Variants in WDR64 observed in about 807,000 individuals in gnomAD.
The protein encoded by WDR64 is WD repeat-containing protein 64.
WDR64 carries 112 observed loss-of-function variants against 139.3 expected under a neutral mutation model. The ratio of observed to expected loss-of-function variants is 0.80; its 90% CI spans 0.69 to 0.94. WDR64 has a LOEUF of 0.94. Among genes scored for constraint, WDR64 ranks in the 40% least tolerant of loss-of-function variants. The pLI is 0.00. For missense variants in WDR64, 1,206 were observed against 1,293.1 expected, an observed-to-expected ratio of 0.93 and a Z score of 1.03; for synonymous variants, 444 against 437.7, an observed-to-expected ratio of 1.01 and a Z score of -0.18.
chr1:241,653,543 C>CTTTTTTTTTTT (rs33934176), intron 1 of WDR64, among the ~76,000 whole-genome samples: 17 of 137,082 alleles, frequency 1.2e-4, no homozygotes, highest in Non-Finnish European at 1.1e-4. Flanking sequence ...CTTTTCTTTT[C>CTTTTTTTTTTT]TTTTTTTTTT....
At chr1:241,688,060 A>G (rs6680743) in intron 8 of WDR64, among the ~76,000 whole-genome samples, 5,646 of 152,304 alleles carry the variant, frequency 0.037, 359 homozygotes, top group African/African-American at 0.13. Flanking sequence ...TTAAATATGT[A>G]TTAATAACTA....
intron 9 of WDR64, among the ~76,000 whole-genome samples, chr1:241,718,197 A>G (rs1393661388): frequency 6.6e-6 from 1 of 152,200 alleles, no homozygotes. Flanking sequence ...ACTGCTATCA[A>G]TGAGAACTAC....
At chr1:241,692,672 C>T (rs1171375503) in intron 8 of WDR64, among the ~76,000 whole-genome samples, 2 of 152,190 alleles carry the variant, frequency 1.3e-5, no homozygotes, top group Non-Finnish European at 1.5e-5. Flanking sequence ...TTGCAAAAGA[C>T]ATATCTGATA....
chr1:241,708,249 G>A (rs1300434668), intron 8 of WDR64, among the ~76,000 whole-genome samples: 1 of 152,144 alleles, frequency 6.6e-6, no homozygotes, highest in Non-Finnish European at 1.5e-5. Context: ...GTTTTATGAT[G>A]TTTATATAAT....
intron 9 of WDR64, among the ~76,000 whole-genome samples, chr1:241,722,956 C>T (rs899816109): frequency 6.6e-6 from 1 of 152,082 alleles, no homozygotes; most frequent in African/African-American, 2.4e-5. Context: ...AACAAAAGAA[C>T]AGCTGCCTTA....
intron 21 of WDR64, 113 bp downstream of exon 21, chr1:241,775,323 G>A (rs1356357802): frequency 2.6e-6 from 2 of 760,328 alleles, no homozygotes; most frequent in Non-Finnish European, 4.1e-6. Flanking sequence ...GAGACTAAGA[G>A]GTATGCTCAA....
At chr1:241,747,027 C>T (rs1450533217) in intron 13 of WDR64, among the ~76,000 whole-genome samples, 1 of 152,162 alleles carries the variant, frequency 6.6e-6, no homozygotes, top group African/African-American at 2.4e-5. Flanking sequence ...TCCCAAAGTG[C>T]TGGGATTACA....
chr1:241,726,707 A>T (rs1164046849), intron 10 of WDR64, among the ~76,000 whole-genome samples: 1 of 151,766 alleles, frequency 6.6e-6, no homozygotes, highest in Admixed American at 6.6e-5. Flanking sequence ...AATAATATGT[A>T]AGTAATCAAT....
intron 8 of WDR64, among the ~76,000 whole-genome samples, chr1:241,699,564 T>G (rs1156835044): frequency 6.6e-6 from 1 of 152,020 alleles, no homozygotes; most frequent in Non-Finnish European, 1.5e-5. Context: ...TTAGAACATC[T>G]TAGGATAGGA....
At chr1:241,792,397 G>A (rs1199821793) in intron 25 of WDR64, among the ~76,000 whole-genome samples, 4 of 152,166 alleles carry the variant, frequency 2.6e-5, no homozygotes, top group African/African-American at 9.6e-5. Flanking sequence ...TCAGTGGGAC[G>A]TGGTGGTGTG....
chr1:241,798,172 T>C (rs911460572), intron 27 of WDR64, among the ~76,000 whole-genome samples: 20 of 152,204 alleles, frequency 1.3e-4, no homozygotes, highest in Admixed American at 4.6e-4. Flanking sequence ...CTAAATAACC[T>C]GATGTTCTGA....
chr1:241,763,682 G>A (rs1038915527), intron 15 of WDR64, among the ~76,000 whole-genome samples: 6 of 152,162 alleles, frequency 3.9e-5, no homozygotes, highest in African/African-American at 1.4e-4. Context: ...TCCAGCCTTG[G>A]CAACAGAGCA....
intron 27 of WDR64, 74 bp downstream of exon 27, chr1:241,796,444 GTC>G: frequency 2.0e-6 from 2 of 999,992 alleles, no homozygotes; most frequent in Admixed American, 4.7e-5. Flanking sequence ...TTAAAAATAT[GTC>G]TCTGCTTTCA....
At chr1:241,733,001 A>T (rs1397791861) in intron 10 of WDR64, among the ~76,000 whole-genome samples, 1 of 152,132 alleles carries the variant, frequency 6.6e-6, no homozygotes, top group African/African-American at 2.4e-5. Context: ...CTACTTCATC[A>T]TTATTTATTA....
At chr1:241,672,200 G>A (rs558791004) in intron 3 of WDR64, among the ~76,000 whole-genome samples, 1 of 152,192 alleles carries the variant, frequency 6.6e-6, no homozygotes, top group African/African-American at 2.4e-5. Flanking sequence ...GCACCTGGAA[G>A]GCTTTGTGAG....
chr1:241,745,197 A>G (rs571200547), intron 13 of WDR64, among the ~76,000 whole-genome samples: 2 of 152,236 alleles, frequency 1.3e-5, no homozygotes, highest in Admixed American at 1.3e-4. Flanking sequence ...TACTCTGAAT[A>G]TATTTACCCT....
intron 2 of WDR64, among the ~76,000 whole-genome samples, chr1:241,666,516 C>CCA (rs1397868109): frequency 6.6e-6 from 1 of 152,098 alleles, no homozygotes; most frequent in Non-Finnish European, 1.5e-5. Context: ...GAGCATATGT[C>CCA]CACAGTCTGC....
intron 23 of WDR64, among the ~76,000 whole-genome samples, chr1:241,784,916 T>C (rs1194202425): frequency 8.3e-6 from 1 of 120,346 alleles, no homozygotes; most frequent in Non-Finnish European, 1.6e-5. Context: ...ATCACGCCAC[T>C]GCACTCCAGC....
chr1:241,762,624 G>A (rs555830766), intron 15 of WDR64, among the ~76,000 whole-genome samples: 7 of 152,156 alleles, frequency 4.6e-5, no homozygotes, highest in African/African-American at 1.7e-4. Flanking sequence ...AGAGAGATAA[G>A]TGGTCAGACA....
Sources: gnomAD v4.1 joint callset for allele counts (sites outside exome capture counted in the v4.1 genomes callset) on GRCh38, gnomAD v4.1.1 for gene constraint, MANE v1.5 for transcripts, NCBI Gene and HGNC (gene_info 2026-07-23, HGNC 2026-07-21) for gene names.